Variants in PPP1R12C observed in about 807,000 individuals in gnomAD.
The protein encoded by PPP1R12C is leukocyte receptor cluster (LRC) encoded novel gene 3.
Under a neutral mutation model 95.6 loss-of-function variants are expected in PPP1R12C, and 48 were observed. The ratio of observed to expected loss-of-function variants is 0.50; its 90% confidence interval spans 0.40 to 0.64. PPP1R12C has a LOEUF of 0.64. PPP1R12C is among the 30% of genes least tolerant of loss of function. The pLI, the probability that PPP1R12C is intolerant of heterozygous loss-of-function variation, is 0.00. For synonymous variants in PPP1R12C, 480 were observed against 460.8 expected (o/e 1.04, Z -0.53); for missense variants, 1,057 against 1,083.3 (o/e 0.98, Z 0.34).
intron 6 of PPP1R12C, among the ~76,000 whole-genome samples, chr19:55,098,233 C>T (rs1221020187): frequency 4.6e-5 from 7 of 152,196 alleles, no homozygotes; most frequent in East Asian, 3.8e-4. Context: ...CATACAGTTG[C>T]GCACCATACC....
Position 55,099,026 on chromosome 19 carries a change from C to G in PPP1R12C, c.801G>C (p.Ala267=). The part of the protein sequence containing the change: ...DGDGWTPLHA[A]AHWGVEDACR... ...AGGCATCCTCCACGCCCCAGTGTGC[C>G]GCTGCGTGCAGGGGAGTCCAGCCGT... is the stretch of plus-strand genomic sequence containing the variant. Residue 267 remains alanine, a synonymous_variant, in exon 5 of 22, where the codon GCG becomes GCC. Transcript: ENST00000263433. 1 of 1,555,086 alleles carries G rather than the reference C, an allele frequency of 6.4e-7. No homozygotes were observed. Among genetic ancestry groups the G allele is most frequent in the Non-Finnish European group, 8.7e-7 (1 of 1,149,626 alleles).
At chr19:55,091,837 C>A (rs763719530) in intron 20 of PPP1R12C, 22 bp downstream of exon 20, 3 of 1,613,406 alleles carry the variant, frequency 1.9e-6, no homozygotes, top group Non-Finnish European at 2.5e-6. Context: ...CTCTGGCCCC[C>A]ATCCCCACTG....
chr19:55,104,394 G>C (rs1319864246), intron 3 of PPP1R12C, among the ~76,000 whole-genome samples: 1 of 151,400 alleles, frequency 6.6e-6, no homozygotes, highest in Non-Finnish European at 1.5e-5. Context: ...TAAAATGTAT[G>C]AAGATGCTGG....
At chr19:55,108,674 A>G (rs2147205666) in intron 3 of PPP1R12C, among the ~76,000 whole-genome samples, 1 of 152,226 alleles carries the variant, frequency 6.6e-6, no homozygotes, top group East Asian at 1.9e-4. Flanking sequence ...TGTCCTCAAG[A>G]TACATCTACA....
At chr19:55,113,934 C>G (rs1257361784) in intron 1 of PPP1R12C, 1 of 162,568 alleles carries the variant, frequency 6.2e-6, no homozygotes, top group Non-Finnish European at 1.3e-5. Context: ...GAGTCCAGGC[C>G]CAACCCCTCC....
At chr19:55,102,353 G>A (rs1055736389) in intron 4 of PPP1R12C, among the ~76,000 whole-genome samples, 2 of 152,102 alleles carry the variant, frequency 1.3e-5, no homozygotes, top group African/African-American at 4.8e-5. Flanking sequence ...ATCTCTGCTA[G>A]AAATACGAGT....
intron 3 of PPP1R12C, among the ~76,000 whole-genome samples, chr19:55,106,501 G>A (rs1428466309): frequency 6.6e-6 from 1 of 152,204 alleles, no homozygotes; most frequent in Admixed American, 6.5e-5. Context: ...TCCAATGGTC[G>A]ATTCCGCCTG....
chr19:55,100,449 G>A (rs1422946454), intron 4 of PPP1R12C, among the ~76,000 whole-genome samples: 6 of 152,244 alleles, frequency 3.9e-5, no homozygotes, highest in Non-Finnish European at 8.8e-5. Context: ...GTCTCCCCAC[G>A]AGGCTATGAG....
At chr19:55,101,180 A>G (rs1183143614) in intron 4 of PPP1R12C, among the ~76,000 whole-genome samples, 2 of 152,062 alleles carry the variant, frequency 1.3e-5, no homozygotes, top group Non-Finnish European at 1.5e-5. Context: ...CCCAGGGGAC[A>G]GAGGTTGCAG....
In PPP1R12C at chr19:55,095,518, G is replaced by A; in HGVS notation, c.1313C>T (p.Thr438Ile). ...SGALGPPERR[T>I]AEGAPGAGLQ... ...CCCAGCCCCAGGGGCTCCCTCCGCTGTCCGCCTTTCAGGGGGACCCAGGGC... is the reference window on the plus strand; with the variant it reads ...CCCAGCCCCAGGGGCTCCCTCCGCTATCCGCCTTTCAGGGGGACCCAGGGC... The change falls in exon 10 of 22, where the codon ACA becomes ATA. Residue 438 changes from threonine to isoleucine, a missense_variant. Around this residue, in one of 5 missense-constraint regions of PPP1R12C, gnomAD observed 356 missense variants for 330.5 expected, o/e 1.08. Coordinates refer to ENST00000263433, the MANE Select transcript of PPP1R12C (RefSeq NM_017607.4). The A allele has an allele frequency of 6.3e-7, 1 of 1,582,968 alleles. No homozygotes were observed. The highest frequency in any genetic ancestry group is 2.3e-5 in the East Asian group (1 of 43,478).
chr19:55,106,945 C>T (rs571005523), intron 3 of PPP1R12C, among the ~76,000 whole-genome samples: 19 of 152,112 alleles, frequency 1.2e-4, no homozygotes, highest in Non-Finnish European at 2.5e-4. Context: ...GTGATATGGG[C>T]CTGCAGTAGG....
At chr19:55,111,454 G>C (rs1021638749) in intron 3 of PPP1R12C, 1 of 152,124 alleles carries the variant, frequency 6.6e-6, no homozygotes, top group African/African-American at 2.4e-5. Context: ...AAAAGTTGGA[G>C]GAGGAAGGAG....
intron 3 of PPP1R12C, among the ~76,000 whole-genome samples, chr19:55,107,283 G>A (rs112923291): frequency 2.4e-4 from 36 of 152,166 alleles, no homozygotes; most frequent in Middle Eastern, 3.4e-3. Context: ...GCATGGTGGC[G>A]GGTGCTTGTA....
At chr19:55,104,197 T>TAC (rs200110066) in intron 3 of PPP1R12C, among the ~76,000 whole-genome samples, 5,055 of 113,908 alleles carry the variant, frequency 0.044, 167 homozygotes, top group East Asian at 0.1. Context: ...TATATATATA[T>TAC]ATACACACAC....
intron 4 of PPP1R12C, among the ~76,000 whole-genome samples, chr19:55,101,921 G>A (rs1045563017): frequency 6.6e-6 from 1 of 152,218 alleles, no homozygotes; most frequent in East Asian, 1.9e-4. Flanking sequence ...AAGGGACAGC[G>A]GCCTGGAGCG....
intron 19 of PPP1R12C, 54 bp from the exon 20 acceptor site, chr19:55,091,963 G>A: frequency 6.2e-7 from 1 of 1,601,280 alleles, no homozygotes; most frequent in South Asian, 1.1e-5. Context: ...GCACTGCTCT[G>A]AAGGGTCCTA....
intron 1 of PPP1R12C, 159 bp from the exon 2 acceptor site, chr19:55,112,954 C>T (rs765859005): frequency 2.5e-5 from 26 of 1,043,672 alleles, no homozygotes; most frequent in South Asian, 3.0e-5. Context: ...GTTTAAGATA[C>T]GCCTGGTTGC....
chr19:55,092,029 G>A (rs1210583602), intron 19 of PPP1R12C, 120 bp from the exon 20 acceptor site: 5 of 1,307,876 alleles, frequency 3.8e-6, no homozygotes, highest in East Asian at 2.4e-5. Context: ...CTTCCCCCAC[G>A]GGCCAGGCCC....
intron 1 of PPP1R12C, chr19:55,113,384 C>T (rs2085118991): frequency 4.8e-6 from 7 of 1,458,246 alleles, no homozygotes; most frequent in Non-Finnish European, 5.4e-6. Context: ...GGTGAGACAG[C>T]TGCACACCTG....
Sources: allele counts gnomAD v4.1 joint callset (sites outside exome capture counted in the v4.1 genomes callset), GRCh38; gene constraint gnomAD v4.1.1; regional missense constraint gnomAD v4.1.1; transcripts MANE v1.5; gene names NCBI Gene and HGNC (gene_info 2026-07-23, HGNC 2026-07-21).